The following SHB variants were observed in gnomAD, a reference collection of about 807,000 sequenced individuals.
SHB encodes the protein SH2 domain-containing adapter protein B.
Under a neutral mutation model 52.3 loss-of-function variants are expected in SHB, and 20 were observed. That is an observed-to-expected ratio of 0.38 (90% CI 0.27 to 0.56). The LOEUF is 0.56. Among genes scored for constraint, SHB ranks in the 20% least tolerant of loss-of-function variants. SHB has a pLI of 0.71. For missense variants in SHB, 825 were observed against 723.3 expected (o/e 1.14, Z -1.61); for synonymous variants, 397 against 316.5 (o/e 1.25, Z -2.70).
At chr9:37,969,929 G>C (rs1052251521) in intron 3 of SHB, among the ~76,000 whole-genome samples, 2 of 152,264 alleles carry the variant, frequency 1.3e-5, no homozygotes, top group Non-Finnish European at 2.9e-5. Flanking sequence ...GCCATTTCTA[G>C]ACCCAACTGC....
chr9:37,956,061 G>GGA lies in SHB; in HGVS notation c.1055-9_1055-8dup. 1 of 1,554,806 alleles carries GGA rather than the reference G, an allele frequency of 6.4e-7. No homozygotes were observed. Among genetic ancestry groups the GGA allele is most frequent in the Non-Finnish European group, 8.7e-7 (1 of 1,148,614 alleles). ...TCGTTGCCATTAAACTGTGCTGTGG[G>GGA]GAGAGAGAGAAAGTGCAGGGTTAGC... On this transcript the variant is annotated splice_region_variant and splice_polypyrimidine_tract_variant and intron_variant, in intron 3 of 5. Transcript: ENST00000377707.
chr9:38,001,134 G>C (rs754520035), intron 2 of SHB, among the ~76,000 whole-genome samples: 2 of 152,178 alleles, frequency 1.3e-5, no homozygotes, highest in South Asian at 4.1e-4. Flanking sequence ...TCAACTCAGA[G>C]GTAAATGGAC....
intron 5 of SHB, among the ~76,000 whole-genome samples, chr9:37,944,430 G>A (rs735740): frequency 0.12 from 19,019 of 152,154 alleles, 1,269 homozygotes; most frequent in South Asian, 0.21. Context: ...ACCCCCATGA[G>A]GCAAAGGGAC....
chr9:37,980,467 G>C (rs561118539), intron 2 of SHB, among the ~76,000 whole-genome samples: 2 of 152,304 alleles, frequency 1.3e-5, no homozygotes, highest in African/African-American at 4.8e-5. Context: ...TCTAATGCTA[G>C]TTCTCTTGTT....
rs1014513825 is a variant in SHB at position 38,067,909 on chromosome 9, G to C, written c.717+20C>G. The C allele has an allele frequency of 1.4e-6, 2 of 1,453,572 alleles. No individual in the cohort carries two copies. Among genetic ancestry groups the C allele is most frequent in the Non-Finnish European group, 1.8e-6 (2 of 1,114,926 alleles). The allele number at this position is 1,453,572 out of a possible 1,614,324, so 90.0% of individuals were successfully genotyped here. A position where few individuals can be genotyped will look rare whatever the true frequency, so the allele number is the denominator to read the frequency against. On this transcript the variant is annotated intron_variant, in intron 1 of 5. Coordinates refer to ENST00000377707, the MANE Select transcript of SHB (RefSeq NM_003028.3). ...CACCGTGGCTCTGGAACCTCGGGAA[G>C]AGGCCAAGGGGCACCTTACCTTGTC... is the stretch of plus-strand genomic sequence containing the variant.
chr9:38,008,532 G>A lies in SHB; in HGVS notation c.838+7479C>T, dbSNP rs560575460. Among the ~76,000 whole-genome samples the A allele has an allele frequency of 1.4e-3, 209 of 152,258 alleles. 1 individual carries two copies. The highest frequency in any genetic ancestry group is 2.9e-3 in the Non-Finnish European group (198 of 68,046). ...AAGCCTGCTACCTGCCAGGCAGGAG[G>A]ATTGACAACAGATTTCACAACATTT... On this transcript the variant is annotated intron_variant, in intron 2 of 5. Coordinates refer to ENST00000377707, the MANE Select transcript of SHB (RefSeq NM_003028.3).
In SHB at chr9:37,917,435, G is replaced by A. The variant is rs1202872102; in HGVS notation, c.*2386C>T. On this transcript the variant is annotated 3_prime_UTR_variant, in exon 6 of 6. Coordinates refer to ENST00000377707, the MANE Select transcript of SHB (RefSeq NM_003028.3). ...AGACCCTCCCAGAGCCTTTTCTGAG[G>A]AGCAATGTGCCCGGGAAGATGGTCT... is the stretch of plus-strand genomic sequence containing the variant. Among the ~76,000 whole-genome samples, 2 of 152,142 alleles carry A rather than the reference G, an allele frequency of 1.3e-5. No homozygotes were observed. The highest frequency in any genetic ancestry group is 4.8e-5 in the African/African-American group (2 of 41,422).
At chr9:37,959,425 G>T (rs1334988490) in intron 3 of SHB, among the ~76,000 whole-genome samples, 1 of 152,148 alleles carries the variant, frequency 6.6e-6, no homozygotes, top group African/African-American at 2.4e-5. Flanking sequence ...GCTTGCCCTG[G>T]CATAGGAAGG....
intron 2 of SHB, among the ~76,000 whole-genome samples, chr9:37,995,441 A>T (rs1820936156): frequency 7.0e-6 from 1 of 143,670 alleles, no homozygotes; most frequent in Non-Finnish European, 1.5e-5. Flanking sequence ...TGATGGGGAG[A>T]AGGCCCTGCT....
intron 4 of SHB, among the ~76,000 whole-genome samples, chr9:37,951,560 C>A (rs1832567018): frequency 6.6e-6 from 1 of 152,232 alleles, no homozygotes; most frequent in Non-Finnish European, 1.5e-5. Context: ...GAAAACAAGT[C>A]CCAGCCATTT....
At chr9:37,981,539 G>C (rs1004211084) in intron 2 of SHB, among the ~76,000 whole-genome samples, 28 of 149,700 alleles carry the variant, frequency 1.9e-4, no homozygotes, top group African/African-American at 6.7e-4. Flanking sequence ...CTTTTCAATT[G>C]TGTATTCGCA....
At chr9:37,978,801 T>A (rs914449382) in intron 2 of SHB, among the ~76,000 whole-genome samples, 1 of 152,246 alleles carries the variant, frequency 6.6e-6, no homozygotes, top group African/African-American at 2.4e-5. Flanking sequence ...GAAGGGATTA[T>A]CGCGTAATTA....
intron 1 of SHB, among the ~76,000 whole-genome samples, chr9:38,047,325 G>T (rs1821668829): frequency 6.6e-6 from 1 of 152,242 alleles, no homozygotes. Context: ...GTGCTCAACT[G>T]AAAGCAGCTA....
Position 38,068,407 on chromosome 9 carries a change from AGGTCGCT to A in SHB, c.232_238del (p.Asp79SerfsTer160). Reference sequence around the variant, plus strand: ...CTTCTGCGCGCGGTAGGCGCGGATGAGGTCGCTGGTGCTGCCGCTGTCGTCGGGCAGC... The same window carrying A: ...CTTCTGCGCGCGGTAGGCGCGGATGAGGTGCTGCCGCTGTCGTCGGGCAGC... On this transcript the variant is annotated frameshift_variant, in exon 1 of 6. Coordinates refer to ENST00000377707, the MANE Select transcript of SHB (RefSeq NM_003028.3). LOFTEE classifies it high-confidence loss of function. The A allele has an allele frequency of 6.4e-7, 1 of 1,573,144 alleles. No homozygotes were observed.
chr9:37,966,745 T>C (rs969387491), intron 3 of SHB, among the ~76,000 whole-genome samples: 1 of 152,160 alleles, frequency 6.6e-6, no homozygotes, highest in African/African-American at 2.4e-5. Flanking sequence ...GTGGTGGTGG[T>C]GGCCGGGTTT....
intron 5 of SHB, among the ~76,000 whole-genome samples, chr9:37,930,582 C>A (rs1026650503): frequency 5.9e-5 from 9 of 152,230 alleles, no homozygotes; most frequent in Admixed American, 5.2e-4. Flanking sequence ...GGCCTCCTCA[C>A]CAACTGACCA....
chr9:38,020,991 T>G (rs1171699425), intron 1 of SHB, among the ~76,000 whole-genome samples: 1 of 152,226 alleles, frequency 6.6e-6, no homozygotes, highest in Non-Finnish European at 1.5e-5. Context: ...GAGGAGCCAC[T>G]GCAGAAATGC....
chr9:37,928,623 C>A lies in SHB; in HGVS notation c.1347-8619G>T, dbSNP rs759627203. 6.6e-5 allele frequency among the ~76,000 whole-genome samples: 10 copies of A among 152,366 alleles called. No individual in the cohort carries two copies. In the East Asian group the frequency reaches 1.9e-3, roughly 29 times the overall value. ...GTGCCTAGGCTAAAGCCACACCACT[C>A]GCTAGACGGCCAGTGCCTCAAATTC... On this transcript the variant is annotated intron_variant, in intron 5 of 5. Coordinates refer to ENST00000377707, the MANE Select transcript of SHB (RefSeq NM_003028.3).
intron 1 of SHB, among the ~76,000 whole-genome samples, chr9:38,053,185 T>C (rs918975876): frequency 3.3e-5 from 5 of 152,126 alleles, no homozygotes; most frequent in Non-Finnish European, 7.4e-5. Context: ...ACTAGCAGTG[T>C]CATCTACGAT....
Sources: gnomAD v4.1 joint callset for allele counts (sites outside exome capture counted in the v4.1 genomes callset) on GRCh38, gnomAD v4.1.1 for gene constraint, MANE v1.5 for transcripts, NCBI Gene and HGNC (gene_info 2026-07-23, HGNC 2026-07-21) for gene names.